Variants in ANO6 observed in about 807,000 individuals in gnomAD.
ANO6 encodes anoctamin 6, also known as anoctamin-6.
ANO6 carries 106 observed loss-of-function variants against 117.5 expected under a neutral mutation model. The observed-to-expected ratio is 0.90, with a 90% CI of 0.77 to 1.06. The LOEUF (loss-of-function observed/expected upper bound fraction) is 1.06. Ranked by LOEUF, ANO6 falls within the 50% of genes least tolerant of loss-of-function variation. The pLI is 0.00. For missense variants in ANO6, 955 were observed against 1,121.1 expected, an observed-to-expected ratio of 0.85 and a Z score of 2.12; for synonymous variants, 367 against 385.1, an observed-to-expected ratio of 0.95 and a Z score of 0.55.
Position 45,297,263 on chromosome 12 carries a change from G to A in ANO6, c.71-4751G>A, listed in dbSNP as rs142269023. On this transcript the variant is annotated intron_variant, in intron 1 of 19. Coordinates refer to ENST00000320560, the MANE Select transcript of ANO6 (RefSeq NM_001025356.3). Reference sequence around the variant, plus strand: ...GTCATTGGACCCAACCACCTGCCATGCTAGTGCTAAGTTGGATAAATTGTT... The same window carrying A: ...GTCATTGGACCCAACCACCTGCCATACTAGTGCTAAGTTGGATAAATTGTT... Among the ~76,000 whole-genome samples the A allele has an allele frequency of 4.2e-3, 643 of 152,266 alleles. 5 individuals carry two copies. Among genetic ancestry groups the A allele is most frequent in the African/African-American group, 0.015 (618 of 41,558 alleles).
intron 19 of ANO6, among the ~76,000 whole-genome samples, chr12:45,428,538 G>A (rs1279280194): frequency 1.3e-5 from 2 of 152,118 alleles, no homozygotes; most frequent in African/African-American, 4.8e-5. Flanking sequence ...CTATGATCAT[G>A]CCACTGCACT....
Position 45,378,062 on chromosome 12 carries a change from A to G in ANO6, c.1114A>G (p.Ile372Val). Residue 372 changes from isoleucine to valine, a missense_variant, in exon 10 of 20, where the codon ATC (isoleucine) becomes GTC (valine). By Grantham distance (29) the Ile-to-Val change is conservative. Coordinates refer to ENST00000320560, the MANE Select transcript of ANO6 (RefSeq NM_001025356.3). ...CATTTATATTTTCCAGAAATTGTGC[A>G]TCTTCGACAGTTTTGGAACCCTGGT... is the stretch of plus-strand genomic sequence containing the variant. ...ITCESSKKLC[I>V]FDSFGTLVFA... 7.4e-6 allele frequency: 12 copies of G among 1,613,102 alleles called. No homozygotes were observed. Among genetic ancestry groups the G allele is most frequent in the South Asian group, 1.1e-5 (1 of 91,038 alleles).
chr12:45,438,246 CGTGTAT>C (rs959625257), intron 19 of ANO6, among the ~76,000 whole-genome samples: 12 of 125,380 alleles, frequency 9.6e-5, no homozygotes, highest in African/African-American at 2.7e-4. Flanking sequence ...CACATATTTG[CGTGTAT>C]GTGTGTGTGT....
At chr12:45,248,806 G>C (rs41331147) in intron 1 of ANO6, among the ~76,000 whole-genome samples, 2,209 of 152,294 alleles carry the variant, frequency 0.015, 45 homozygotes, top group East Asian at 0.068. Flanking sequence ...TTTTAACAAA[G>C]GGTTGTGCTA....
intron 15 of ANO6, among the ~76,000 whole-genome samples, chr12:45,404,825 G>A (rs973461357): frequency 2.6e-5 from 4 of 152,116 alleles, no homozygotes; most frequent in African/African-American, 9.7e-5. Context: ...CTCGCCTCCT[G>A]CCATGTTGCC....
At chr12:45,292,281 A>G (rs952480591) in intron 1 of ANO6, among the ~76,000 whole-genome samples, 7 of 152,222 alleles carry the variant, frequency 4.6e-5, no homozygotes, top group Non-Finnish European at 1.0e-4. Flanking sequence ...AGAGATAGAA[A>G]AAAGATTAGA....
intron 9 of ANO6, among the ~76,000 whole-genome samples, chr12:45,370,818 T>A (rs888964294): frequency 1.3e-5 from 2 of 152,182 alleles, no homozygotes; most frequent in East Asian, 3.9e-4. Flanking sequence ...ATTTATTGTC[T>A]TCCTTGAGGT....
chr12:45,423,863 A>G (rs748229646), intron 19 of ANO6, among the ~76,000 whole-genome samples: 1 of 152,206 alleles, frequency 6.6e-6, no homozygotes, highest in Non-Finnish European at 1.5e-5. Context: ...AAGCCCCTAC[A>G]GTGGACTTCC....
At chr12:45,381,044 T>C (rs954416924) in intron 10 of ANO6, among the ~76,000 whole-genome samples, 1 of 152,180 alleles carries the variant, frequency 6.6e-6, no homozygotes, top group Non-Finnish European at 1.5e-5. Flanking sequence ...CTAAATGGTT[T>C]CAAGGCGTTA....
exon 20 of ANO6, chr12:45,439,875 C>A (rs773650581): frequency 1.3e-6 from 2 of 1,528,598 alleles, no homozygotes; most frequent in Admixed American, 2.1e-5. Context: ...CTGTTACTTT[C>A]TTTTTCCTTC....
Position 45,331,368 on chromosome 12 carries a change from A to G in ANO6, c.224A>G (p.Tyr75Cys). The change falls in exon 3 of 20, where the codon TAT becomes TGT. Residue 75 changes from tyrosine (Y) to cysteine (C), a missense_variant. Tyr to Cys is a radical substitution (Grantham distance 194). Transcript: ENST00000320560. ...GQRRIDFVLV[Y>C]EDESRKETNK... ...CGAAGAATTGACTTTGTTCTAGTAT[A>G]TGAGGATGAAAGCAGAAAAGAGACC... 1 of 1,610,126 alleles carries G rather than the reference A, an allele frequency of 6.2e-7. No individual in the cohort carries two copies. The highest frequency in any genetic ancestry group is 8.5e-7 in the Non-Finnish European group (1 of 1,178,032).
At chr12:45,269,171 T>C (rs1032040167) in intron 1 of ANO6, among the ~76,000 whole-genome samples, 4 of 152,222 alleles carry the variant, frequency 2.6e-5, no homozygotes, top group African/African-American at 4.8e-5. Flanking sequence ...AGCTGTGCCA[T>C]AGTGCAGATG....
intron 1 of ANO6, chr12:45,292,993 G>T: frequency 6.5e-7 from 1 of 1,543,290 alleles, no homozygotes; most frequent in Non-Finnish European, 8.7e-7. Flanking sequence ...GCAGAGTGCC[G>T]GGGAGGCTCC....
chr12:45,430,339 T>G lies in ANO6; in HGVS notation c.*1028T>G. 5.1e-6 allele frequency: 5 copies of G among 985,468 alleles called. No homozygotes were observed. The highest frequency in any genetic ancestry group is 6.0e-6 in the Non-Finnish European group (5 of 829,952). 61.0% of individuals were successfully genotyped at this position (985,468 alleles called of 1,614,324 possible). On this transcript the variant is annotated 3_prime_UTR_variant, in exon 20 of 20. Coordinates refer to ENST00000320560, the MANE Select transcript of ANO6 (RefSeq NM_001025356.3). ...ACACAGCCATTGGGGTACAACTGTGTGCATGGGCAGAAACAGCAAGTGCCC... is the reference window on the plus strand; with the variant it reads ...ACACAGCCATTGGGGTACAACTGTGGGCATGGGCAGAAACAGCAAGTGCCC...
intron 15 of ANO6, among the ~76,000 whole-genome samples, chr12:45,406,376 G>A (rs577305881): frequency 6.6e-6 from 1 of 152,158 alleles, no homozygotes; most frequent in Non-Finnish European, 1.5e-5. Flanking sequence ...ATTTTATTCT[G>A]TTCTTAATAA....
chr12:45,287,937 TA>T (rs1938969982), intron 1 of ANO6, among the ~76,000 whole-genome samples: 1 of 152,208 alleles, frequency 6.6e-6, no homozygotes, highest in South Asian at 2.1e-4. Flanking sequence ...TAACAATTTT[TA>T]AAATTATATA....
chr12:45,424,031 T>C (rs1269112111), intron 19 of ANO6, among the ~76,000 whole-genome samples: 1 of 152,060 alleles, frequency 6.6e-6, no homozygotes, highest in South Asian at 2.1e-4. Flanking sequence ...TTCTTTTTTT[T>C]TTTTTTAAAT....
At chr12:45,380,967 A>T (rs1479157717) in intron 10 of ANO6, among the ~76,000 whole-genome samples, 1 of 151,618 alleles carries the variant, frequency 6.6e-6, no homozygotes, top group Non-Finnish European at 1.5e-5. Flanking sequence ...ACTCCATCTT[A>T]AAAAAAAAGT....
intron 6 of ANO6, 148 bp from the exon 7 acceptor site, chr12:45,350,511 A>G: frequency 1.4e-6 from 1 of 703,926 alleles, no homozygotes; most frequent in Non-Finnish European, 2.6e-6. Flanking sequence ...GTTAAGAATC[A>G]CTAAAAATTA....
Sources: allele counts gnomAD v4.1 joint callset (sites outside exome capture counted in the v4.1 genomes callset), GRCh38; gene constraint gnomAD v4.1.1; transcripts MANE v1.5; gene names NCBI Gene and HGNC (gene_info 2026-07-23, HGNC 2026-07-21).